The following PHAF1 variants were observed in gnomAD, a reference collection of about 807,000 sequenced individuals.
The protein encoded by PHAF1 is phagosome assembly factor 1.
A neutral mutation model predicts 63.1 loss-of-function variants in PHAF1; 23 were observed. The ratio of observed to expected loss-of-function variants is 0.36; its 90% CI spans 0.26 to 0.52. The LOEUF (loss-of-function observed/expected upper bound fraction) is 0.52. Ranked by LOEUF, PHAF1 falls within the 20% of genes least tolerant of loss-of-function variation. PHAF1 has a pLI of 0.93. For synonymous variants in PHAF1, 167 were observed against 185.0 expected (o/e 0.90, Z 0.79); for missense variants, 427 against 517.2 (o/e 0.83, Z 1.69).
chr16:67,146,789 G>A (rs190546521), intron 15 of PHAF1, among the ~76,000 whole-genome samples: 2 of 152,292 alleles, frequency 1.3e-5, no homozygotes, highest in East Asian at 1.9e-4. Context: ...CCCTGTGGAT[G>A]CAGTATCTCC....
chr16:67,113,191 C>G (rs867033069), intron 1 of PHAF1, among the ~76,000 whole-genome samples: 21 of 152,210 alleles, frequency 1.4e-4, no homozygotes, highest in Middle Eastern at 3.2e-3. Flanking sequence ...AACTTTGTCA[C>G]CAGGTTTCTT....
chr16:67,134,088 C>A, intron 6 of PHAF1, 80 bp from the exon 7 acceptor site: 1 of 1,233,970 alleles, frequency 8.1e-7, no homozygotes, highest in Non-Finnish European at 1.2e-6. Context: ...CTCTTGAAGA[C>A]CATGAGTGAC....
At chr16:67,141,149 G>A (rs1332990311) in intron 10 of PHAF1, among the ~76,000 whole-genome samples, 2 of 152,196 alleles carry the variant, frequency 1.3e-5, no homozygotes, top group African/African-American at 4.8e-5. Flanking sequence ...AAGAGGGCAG[G>A]GCTGGCCTGG....
chr16:67,111,118 TTC>T (rs1962499110), intron 1 of PHAF1, among the ~76,000 whole-genome samples: 1 of 152,170 alleles, frequency 6.6e-6, no homozygotes, highest in South Asian at 2.1e-4. Flanking sequence ...CCGGCCCCGC[TTC>T]TCTCTCTTTT....
intron 10 of PHAF1, among the ~76,000 whole-genome samples, chr16:67,141,977 G>A (rs1359829509): frequency 3.3e-5 from 5 of 152,216 alleles, no homozygotes; most frequent in African/African-American, 2.4e-5. Context: ...GGTGGGTCCC[G>A]AGTTCTTGTC....
At chr16:67,124,884 CAG>C (rs1167392699) in intron 2 of PHAF1, among the ~76,000 whole-genome samples, 6 of 142,190 alleles carry the variant, frequency 4.2e-5, no homozygotes, top group African/African-American at 1.6e-4. Context: ...GCCTGGGCAA[CAG>C]AGAGAGACTT....
chr16:67,125,097 T>C (rs1269799961), intron 2 of PHAF1, among the ~76,000 whole-genome samples: 1 of 152,130 alleles, frequency 6.6e-6, no homozygotes, highest in Non-Finnish European at 1.5e-5. Context: ...AGGAGAGTGC[T>C]GTGTGCCAGG....
At chr16:67,126,619 A>C in intron 3 of PHAF1, among the ~76,000 whole-genome samples, 1 of 130,268 alleles carries the variant, frequency 7.7e-6, no homozygotes, top group Non-Finnish European at 1.6e-5. Flanking sequence ...TTTTGAGATG[A>C]GGTCTAGCTC....
chr16:67,148,336 GTGAC>G lies in PHAF1; in HGVS notation c.*1212_*1215del, dbSNP rs1218865300. 6.6e-6 allele frequency: 1 copy of G among 152,648 alleles called. No homozygotes were observed. The highest frequency in any genetic ancestry group is 2.4e-5 in the African/African-American group (1 of 41,444). 9.5% of individuals were successfully genotyped at this position (152,648 alleles called of 1,614,324 possible). On this transcript the variant is annotated 3_prime_UTR_variant, in exon 16 of 16. Transcript: ENST00000219139. ...GGTTTGTGTGGCGCTCCCGACTTTT[GTGAC>G]TGACTGGTGTCTTCCCATTTGGACT...
intron 2 of PHAF1, among the ~76,000 whole-genome samples, chr16:67,125,646 TGGA>T (rs1963158932): frequency 6.6e-6 from 1 of 152,212 alleles, no homozygotes; most frequent in South Asian, 2.1e-4. Flanking sequence ...ATGTGGACCC[TGGA>T]GCCTGAAAGG....
At position 67,144,817 on chromosome 16, in the gene PHAF1, AT is replaced by A; in HGVS notation, c.963-14del. ...CTTCTAGGAGGCCCAGCCTTTACCC[AT>A]TTGCCTTCTCTCTAGTTATCATCGC... On this transcript the variant is annotated splice_polypyrimidine_tract_variant and intron_variant, in intron 11 of 15. Coordinates refer to ENST00000219139, the MANE Select transcript of PHAF1 (RefSeq NM_025187.5). The A allele has an allele frequency of 1.2e-6, 2 of 1,613,846 alleles. No individual in the cohort carries two copies. The highest frequency in any genetic ancestry group is 4.5e-5 in the East Asian group (2 of 44,874).
chr16:67,145,724 TAC>T (rs2029999832), intron 14 of PHAF1, 96 bp downstream of exon 14: 2 of 1,338,402 alleles, frequency 1.5e-6, no homozygotes, highest in Admixed American at 2.4e-5. Context: ...GCTTAAAAAT[TAC>T]AGAAGTTTCT....
intron 3 of PHAF1, among the ~76,000 whole-genome samples, chr16:67,130,647 C>A (rs1963358266): frequency 1.3e-5 from 2 of 152,172 alleles, no homozygotes; most frequent in Non-Finnish European, 2.9e-5. Context: ...CCGTGCCCGG[C>A]TAAAATAAGC....
intron 1 of PHAF1, among the ~76,000 whole-genome samples, chr16:67,117,497 G>T (rs1018440380): frequency 2.0e-5 from 3 of 151,378 alleles, no homozygotes; most frequent in Admixed American, 1.3e-4. Context: ...AGATATTCAG[G>T]CCGGGCACAG....
intron 10 of PHAF1, among the ~76,000 whole-genome samples, chr16:67,141,667 C>T (rs1963814062): frequency 6.6e-6 from 1 of 152,218 alleles, no homozygotes; most frequent in Non-Finnish European, 1.5e-5. Flanking sequence ...CAGGCAGCTC[C>T]AGGCGCCAGC....
At chr16:67,125,902 G>A in intron 2 of PHAF1, 57 bp from the exon 3 acceptor site, 1 of 1,238,858 alleles carries the variant, frequency 8.1e-7, no homozygotes, top group Non-Finnish European at 1.2e-6. Context: ...AAGGCTTTCA[G>A]TAGGTGCTTA....
intron 15 of PHAF1, among the ~76,000 whole-genome samples, chr16:67,146,609 A>T (rs777878694): frequency 3.3e-5 from 5 of 152,336 alleles, no homozygotes; most frequent in Non-Finnish European, 5.9e-5. Flanking sequence ...ACGGATCCCA[A>T]GTTTCTATCT....
At chr16:67,113,685 G>A (rs527908252) in intron 1 of PHAF1, among the ~76,000 whole-genome samples, 3 of 151,322 alleles carry the variant, frequency 2.0e-5, no homozygotes, top group East Asian at 3.9e-4. Context: ...TCCTGACGTC[G>A]TGATCCGCCC....
At position 67,132,432 on chromosome 16, in the gene PHAF1, T is replaced by G; in HGVS notation, c.276-14T>G. 1.9e-6 allele frequency: 3 copies of G among 1,585,910 alleles called. No individual in the cohort carries two copies. Among genetic ancestry groups the G allele is most frequent in the South Asian group, 1.1e-5 (1 of 88,434 alleles). On this transcript the variant is annotated splice_polypyrimidine_tract_variant and intron_variant, in intron 4 of 15. Coordinates refer to ENST00000219139, the MANE Select transcript of PHAF1 (RefSeq NM_025187.5). ...TTGTGAAGCCTAGTATTAAAAAATA[T>G]TTTTGTTTTTCAGTGGCGTGCATTT...
Sources: gnomAD v4.1 joint callset for allele counts (sites outside exome capture counted in the v4.1 genomes callset) on GRCh38, gnomAD v4.1.1 for gene constraint, MANE v1.5 for transcripts, NCBI Gene and HGNC (gene_info 2026-07-23, HGNC 2026-07-21) for gene names.